SLC27A3: variants seen among roughly 807,000 people sequenced by gnomAD.
SLC27A3 encodes the protein solute carrier family 27 member 3, also known as long-chain fatty acid transport protein 3.
Under a neutral mutation model 60.1 loss-of-function variants are expected in SLC27A3, and 60 were observed. That is an observed-to-expected ratio of 1.00 (90% CI 0.81 to 1.24). The LOEUF is 1.24. Among genes scored for constraint, SLC27A3 ranks in the 50% most tolerant of loss-of-function variants. The pLI is 0.00. For synonymous variants in SLC27A3, 455 were observed against 409.0 expected (o/e 1.11, Z -1.36); for missense variants, 1,079 against 929.9 (o/e 1.16, Z -2.09).
intron 3 of SLC27A3, 95 bp from the exon 4 acceptor site, chr1:153,777,666 C>G: frequency 6.7e-7 from 1 of 1,486,436 alleles, no homozygotes; most frequent in Non-Finnish European, 9.3e-7. Context: ...CAGGGAAAGA[C>G]TACAGTGATG....
rs1317863725 is a variant in SLC27A3, at chr1:153,778,711, C to CG, written c.1474dup (p.Val492GlyfsTer43). 1 of 1,612,918 alleles carries CG rather than the reference C, an allele frequency of 6.2e-7. No homozygotes were observed. Among genetic ancestry groups the CG allele is most frequent in the African/African-American group, 1.3e-5 (1 of 74,898 alleles). Reference sequence around the variant, plus strand: ...GGTGAGCCAGGGCTGCTGGTGGCCCCGGTAAGCCAGCAGTCCCCATTCCTG... The same window carrying CG: ...GGTGAGCCAGGGCTGCTGGTGGCCCCGGGTAAGCCAGCAGTCCCCATTCCTG... On this transcript the variant is annotated frameshift_variant, in exon 7 of 10. Coordinates refer to ENST00000624995, the MANE Select transcript of SLC27A3 (RefSeq NM_024330.4). LOFTEE classifies it high-confidence loss of function.
In SLC27A3 at chr1:153,776,061, C is replaced by T; in HGVS notation, c.564C>T (p.Ala188=). The part of the protein sequence containing the change: ...PEFLWLWFGL[A]KAGLRTAFVP... ...TTCTGTGGCTCTGGTTCGGGCTGGC[C>T]AAGGCCGGCCTGCGCACTGCCTTTG... is the stretch of plus-strand genomic sequence containing the variant. Residue 188 remains alanine, a synonymous_variant, in exon 1 of 10, where the codon GCC becomes GCT. Coordinates refer to ENST00000624995, the MANE Select transcript of SLC27A3 (RefSeq NM_024330.4). 6.8e-7 allele frequency: 1 copy of T among 1,469,110 alleles called. No individual in the cohort carries two copies. The allele number at this position is 1,469,110 out of a possible 1,614,324, so 91.0% of individuals were successfully genotyped here.
At chr1:153,776,195 G>A in intron 1 of SLC27A3, 31 bp downstream of exon 1, 1 of 1,409,070 alleles carries the variant, frequency 7.1e-7, no homozygotes, top group South Asian at 1.6e-5. Context: ...TGACTAAGGC[G>A]GGGCCAGCCA....
rs760995224 is a variant in SLC27A3 at position 153,775,823 on chromosome 1, G to T, written c.326G>T (p.Arg109Leu). 10 of 1,496,096 alleles carry T rather than the reference G, an allele frequency of 6.7e-6. No individual in the cohort carries two copies. Among genetic ancestry groups the T allele is most frequent in the African/African-American group, 1.5e-5 (1 of 67,902 alleles). The allele number at this position is 1,496,096 out of a possible 1,614,324, so 92.7% of individuals were successfully genotyped here. ...AACAGGGCTGCACGCGCCTTCCTACGTGCGCTAGGCTGGGACTGGGGACCC... is the reference window on the plus strand; with the variant it reads ...AACAGGGCTGCACGCGCCTTCCTACTTGCGCTAGGCTGGGACTGGGGACCC... The part of the protein sequence containing the change: ...ESNRAARAFL[R>L]ALGWDWGPDG... The change falls in exon 1 of 10, where the codon CGT becomes CTT. Residue 109 changes from arginine (R) to leucine (L), a missense_variant. Arg to Leu is a moderately radical substitution (Grantham distance 102). Coordinates refer to ENST00000624995, the MANE Select transcript of SLC27A3 (RefSeq NM_024330.4).
Position 153,778,336 on chromosome 1 carries a change from G to A in SLC27A3, c.1337G>A (p.Arg446His), listed in dbSNP as rs199869514. 233 of 1,613,926 alleles carry A rather than the reference G, an allele frequency of 1.4e-4. No individual in the cohort carries two copies. Among genetic ancestry groups the A allele is most frequent in the Admixed American group, 1.8e-4 (11 of 59,992 alleles). ...ACAGGACAGCGGGGCGCTGTGGGGC[G>A]TGCTTCCTGGCTTTACAAGGTGAGG... Reference protein sequence around the residue: ...NYTGQRGAVGRASWLYKHIFP... With the variant: ...NYTGQRGAVGHASWLYKHIFP... The change falls in exon 5 of 10, where the codon CGT becomes CAT. Residue 446 changes from arginine (R) to histidine (H), a missense_variant. By Grantham distance (29) the Arg-to-His change is conservative. Transcript: ENST00000624995.
At chr1:153,779,637 A>C (rs1300935018) in intron 9 of SLC27A3, 164 bp downstream of exon 9, 6 of 947,896 alleles carry the variant, frequency 6.3e-6, no homozygotes, top group African/African-American at 1.7e-5. Flanking sequence ...CAAGCTCTTC[A>C]CCCCACTTCT....
At position 153,779,492 on chromosome 1, in the gene SLC27A3, C is replaced by A. The variant is rs780518427; in HGVS notation, c.1875+19C>A. ...GCTCCAGGTAACCGGCCACTTCCCCCGCCGGCCCCTCACCCCATATATCCT... is the reference window on the plus strand; with the variant it reads ...GCTCCAGGTAACCGGCCACTTCCCCAGCCGGCCCCTCACCCCATATATCCT... On this transcript the variant is annotated intron_variant, in intron 9 of 9. Transcript: ENST00000624995. 1.2e-6 allele frequency: 2 copies of A among 1,607,838 alleles called. No individual in the cohort carries two copies. The highest frequency in any genetic ancestry group is 3.3e-5 in the Admixed American group (2 of 59,784).
At chr1:153,776,353 A>C in intron 1 of SLC27A3, 165 bp from the exon 2 acceptor site, 1 of 1,330,780 alleles carries the variant, frequency 7.5e-7, no homozygotes, top group South Asian at 1.5e-5. Flanking sequence ...TGGTGCCCCA[A>C]GGATCCCCAA....
Position 153,779,750 on chromosome 1 carries a change from C to T in SLC27A3, c.1876-76C>T. The stretch of plus-strand genomic sequence containing the variant: ...CCCTTTCCCAAGACTTGCTCCTTAA[C>T]AAAATTCAGGCAACTCCCCTGAACC... On this transcript the variant is annotated intron_variant, in intron 9 of 9. Coordinates refer to ENST00000624995, the MANE Select transcript of SLC27A3 (RefSeq NM_024330.4). 2.8e-6 allele frequency: 4 copies of T among 1,427,236 alleles called. No individual in the cohort carries two copies. The South Asian group carries it at 3.8e-5, about 13-fold the overall frequency. The allele number at this position is 1,427,236 out of a possible 1,614,324, so 88.4% of individuals were successfully genotyped here. A position where few individuals can be genotyped will look rare whatever the true frequency, so the allele number is the denominator to read the frequency against.
At chr1:153,777,297 C>T in intron 3 of SLC27A3, 77 bp downstream of exon 3, 1 of 1,536,344 alleles carries the variant, frequency 6.5e-7, no homozygotes, top group Non-Finnish European at 8.9e-7. Flanking sequence ...GTGAGTCCTC[C>T]AGGGTAGATA....
intron 4 of SLC27A3, 116 bp from the exon 5 acceptor site, chr1:153,778,045 C>T (rs529560181): frequency 3.2e-5 from 47 of 1,459,312 alleles, no homozygotes; most frequent in African/African-American, 7.0e-5. Flanking sequence ...CTGATGCTTA[C>T]GGCCTCTGAA....
chr1:153,778,929 T>G, intron 7 of SLC27A3, 44 bp downstream of exon 7: 1 of 1,585,870 alleles, frequency 6.3e-7, no homozygotes, highest in Non-Finnish European at 8.6e-7. Flanking sequence ...ATCTGATCTC[T>G]GTGATCCAAA....
rs1295097050 is a variant in SLC27A3, at chr1:153,776,150, T to C, written c.653T>C (p.Leu218Pro). ...HCLRSCGARA[L>P]VLAPEFLESL... ...CTCCGCAGCTGCGGCGCGCGCGCGCTGGTGCTGGCGCCAGGTAAGGCTGGA... is the reference window on the plus strand; with the variant it reads ...CTCCGCAGCTGCGGCGCGCGCGCGCCGGTGCTGGCGCCAGGTAAGGCTGGA... Residue 218 changes from leucine to proline, a missense_variant, in exon 1 of 10, where the codon CTG becomes CCG. Leu to Pro is a moderately conservative substitution (Grantham distance 98). Transcript: ENST00000624995. The C allele has an allele frequency of 1.4e-6, 2 of 1,422,436 alleles. No homozygotes were observed. The highest frequency in any genetic ancestry group is 1.8e-6 in the Non-Finnish European group (2 of 1,100,982). The allele number at this position is 1,422,436 out of a possible 1,614,324, so 88.1% of individuals were successfully genotyped here. A position where few individuals can be genotyped will look rare whatever the true frequency, so the allele number is the denominator to read the frequency against.
rs147251588 is a variant in SLC27A3, at chr1:153,775,909, G to C, written c.412G>C (p.Gly138Arg). 1 of 1,471,662 alleles carries C rather than the reference G, an allele frequency of 6.8e-7. No homozygotes were observed. Among genetic ancestry groups the C allele is most frequent in the East Asian group, 2.6e-5 (1 of 37,794 alleles). The allele number at this position is 1,471,662 out of a possible 1,614,324, so 91.2% of individuals were successfully genotyped here. ...GEGERAAPGA[G>R]DAAAGSGAEF... The stretch of plus-strand genomic sequence containing the variant: ...AGGCGAGCGGGCAGCGCCGGGAGCC[G>C]GAGATGCAGCGGCCGGAAGCGGCGC... Residue 138 changes from glycine (G) to arginine (R), a missense_variant, in exon 1 of 10, where the codon GGA becomes CGA. Physicochemically the swap from Gly to Arg is moderately radical, Grantham distance 125. Coordinates refer to ENST00000624995, the MANE Select transcript of SLC27A3 (RefSeq NM_024330.4).
rs1054119275 is a variant in SLC27A3, at chr1:153,779,325, G to A, written c.1745-18G>A. The stretch of plus-strand genomic sequence containing the variant: ...GGTCAGCCATGGAGGGGCTTACTCT[G>A]TCTCCCACACCCACCAGGGCATGAA... On this transcript the variant is annotated intron_variant, in intron 8 of 9. Coordinates refer to ENST00000624995, the MANE Select transcript of SLC27A3 (RefSeq NM_024330.4). The A allele has an allele frequency of 1.6e-5, 24 of 1,491,226 alleles. No individual in the cohort carries two copies. The highest frequency in any genetic ancestry group is 2.1e-5 in the Non-Finnish European group (22 of 1,071,426). The allele number at this position is 1,491,226 out of a possible 1,614,324, so 92.4% of individuals were successfully genotyped here.
chr1:153,777,136 C>G lies in SLC27A3; in HGVS notation c.952C>G (p.His318Asp). 6.2e-7 allele frequency: 1 copy of G among 1,614,242 alleles called. No individual in the cohort carries two copies. The change falls in exon 3 of 10, where the codon CAC (histidine) becomes GAC (aspartate). Residue 318 changes from histidine (H) to aspartate (D), a missense_variant. By Grantham distance (81) the His-to-Asp change is moderately conservative. Coordinates refer to ENST00000624995, the MANE Select transcript of SLC27A3 (RefSeq NM_024330.4). Reference sequence around the variant, plus strand: ...GGGCTTCTATCAGCTGTGTGGTGTCCACCAGGAAGATGTGATCTACCTCGC... The same window carrying G: ...GGGCTTCTATCAGCTGTGTGGTGTCGACCAGGAAGATGTGATCTACCTCGC... Reference protein sequence around the residue: ...CQGFYQLCGVHQEDVIYLALP... With the variant: ...CQGFYQLCGVDQEDVIYLALP...
At chr1:153,779,061 C>T (rs1384831755) in intron 7 of SLC27A3, 53 bp from the exon 8 acceptor site, 2 of 1,572,392 alleles carry the variant, frequency 1.3e-6, no homozygotes, top group Non-Finnish European at 8.8e-7. Flanking sequence ...CCCCACCAAG[C>T]CCATAAGGCC....
In SLC27A3 at chr1:153,780,074, T is replaced by C; in HGVS notation, c.*72T>C. On this transcript the variant is annotated 3_prime_UTR_variant, in exon 10 of 10. Coordinates refer to ENST00000624995, the MANE Select transcript of SLC27A3 (RefSeq NM_024330.4). ...GGGCCGTTGCAGGTGTACTGGGCTG[T>C]CAGGGATCTTTTCTATACCAGAACT... 7.2e-7 allele frequency: 1 copy of C among 1,389,806 alleles called. No homozygotes were observed. The highest frequency in any genetic ancestry group is 9.8e-7 in the Non-Finnish European group (1 of 1,017,780). The allele number at this position is 1,389,806 out of a possible 1,614,324, so 86.1% of individuals were successfully genotyped here. A position where few individuals can be genotyped will look rare whatever the true frequency, so the allele number is the denominator to read the frequency against.
In SLC27A3 at chr1:153,778,826, G is replaced by A. The variant is rs762471853; in HGVS notation, c.1587G>A (p.Leu529=). Residue 529 remains leucine (L), a synonymous_variant, in exon 7 of 10, where the codon CTG becomes CTA. Transcript: ENST00000624995. ...PGDVFFNTGD[L]LVCDDQGFLR... ...ATGTTTTCTTCAACACTGGGGACCT[G>A]CTGGTCTGCGATGACCAAGGTTTTC... 4 of 1,614,048 alleles carry A rather than the reference G, an allele frequency of 2.5e-6. No homozygotes were observed. The highest frequency in any genetic ancestry group is 3.3e-5 in the Admixed American group (2 of 60,010).
Sources: gnomAD v4.1 joint callset for allele counts on GRCh38, gnomAD v4.1.1 for gene constraint, MANE v1.5 for transcripts, NCBI Gene and HGNC (gene_info 2026-07-23, HGNC 2026-07-21) for gene names.